The following NLGN1 variants were observed in gnomAD, a reference collection of about 807,000 sequenced individuals.
NLGN1 encodes the protein neuroligin-1.
In NLGN1, 12 loss-of-function variants were observed where a neutral mutation model predicts 65.5. The ratio of observed to expected loss-of-function variants is 0.18; its 90% CI spans 0.12 to 0.30. The LOEUF is 0.30. Ranked by LOEUF, NLGN1 falls within the 10% of genes least tolerant of loss-of-function variation. NLGN1 has a pLI of 1.00. For synonymous variants in NLGN1, 350 were observed against 359.5 expected (o/e 0.97, Z 0.30); for missense variants, 750 against 1,007.1 (o/e 0.74, Z 3.46).
intron 4 of NLGN1, among the ~76,000 whole-genome samples, chr3:173,914,536 TAC>T (rs10576275): frequency 9.1e-5 from 13 of 142,106 alleles, no homozygotes; most frequent in East Asian, 2.2e-4. Context: ...CATCTATACA[TAC>T]ACACACACAC....
chr3:173,894,602 A>G (rs1199818776), intron 4 of NLGN1, among the ~76,000 whole-genome samples: 2 of 151,530 alleles, frequency 1.3e-5, no homozygotes, highest in Non-Finnish European at 2.9e-5. Flanking sequence ...AATGTTTAAA[A>G]TAATAAATTT....
chr3:173,713,184 G>A (rs989793733), intron 3 of NLGN1, among the ~76,000 whole-genome samples: 1 of 152,160 alleles, frequency 6.6e-6, no homozygotes, highest in African/African-American at 2.4e-5. Flanking sequence ...TGGCTCTCAC[G>A]GCATCATTGG....
chr3:173,779,589 T>G (rs1290801004), intron 3 of NLGN1, among the ~76,000 whole-genome samples: 2 of 152,138 alleles, frequency 1.3e-5, no homozygotes, highest in African/African-American at 4.8e-5. Context: ...TCTTTGGATA[T>G]TTAAAGTCTG....
intron 4 of NLGN1, among the ~76,000 whole-genome samples, chr3:174,271,371 A>C (rs1391614086): frequency 6.6e-6 from 1 of 151,718 alleles, no homozygotes; most frequent in Non-Finnish European, 1.5e-5. Context: ...ACCTAAGTAT[A>C]AATTGAGTCA....
chr3:174,146,146 TTCCTTC>T (rs1723226498), intron 4 of NLGN1, among the ~76,000 whole-genome samples: 1 of 144,012 alleles, frequency 6.9e-6, no homozygotes, highest in Non-Finnish European at 1.5e-5. Context: ...CCTTCCTTCC[TTCCTTC>T]CTCTCTCCCT....
Position 174,086,920 on chromosome 3 carries a change from T to G in NLGN1, c.647-188395T>G, listed in dbSNP as rs184424089. ...ATCTTTTAGCATCCAAAATGTAATC[T>G]GGAAATGTGGTGTAAAATATTTCCT... On this transcript the variant is annotated intron_variant, in intron 4 of 6. Coordinates refer to ENST00000457714, the Ensembl canonical transcript of NLGN1. 6.8e-3 allele frequency among the ~76,000 whole-genome samples: 1,043 copies of G among 152,274 alleles called. 11 individuals carry two copies. Among genetic ancestry groups the G allele is most frequent in the African/African-American group, 0.024 (1,000 of 41,560 alleles).
intron 3 of NLGN1, among the ~76,000 whole-genome samples, chr3:173,747,842 CT>C (rs1775744034): frequency 1.2e-5 from 1 of 81,120 alleles, no homozygotes; most frequent in East Asian, 4.1e-4. Flanking sequence ...GAGACAGGGT[CT>C]TACTCTGTCA....
intron 2 of NLGN1, among the ~76,000 whole-genome samples, chr3:173,539,896 T>C (rs1029527259): frequency 6.8e-6 from 1 of 146,542 alleles, no homozygotes; most frequent in African/African-American, 2.5e-5. Flanking sequence ...GTTATATATA[T>C]GTTATAAATG....
At chr3:173,627,611 T>C (rs1253365012) in intron 3 of NLGN1, among the ~76,000 whole-genome samples, 2 of 152,122 alleles carry the variant, frequency 1.3e-5, no homozygotes, top group African/African-American at 2.4e-5. Flanking sequence ...TTTTGAGGAA[T>C]CTGCCATAGT....
chr3:173,678,121 A>G (rs1763419715), intron 3 of NLGN1, among the ~76,000 whole-genome samples: 1 of 152,098 alleles, frequency 6.6e-6, no homozygotes, highest in Non-Finnish European at 1.5e-5. Context: ...ATTGAAATAC[A>G]ATGTATCTAG....
intron 4 of NLGN1, among the ~76,000 whole-genome samples, chr3:174,012,752 C>T (rs1725805906): frequency 6.6e-6 from 1 of 152,164 alleles, no homozygotes; most frequent in African/African-American, 2.4e-5. Context: ...CTCTCTTTTA[C>T]TGATCTAGCT....
At chr3:173,671,934 G>T (rs1029677153) in intron 3 of NLGN1, among the ~76,000 whole-genome samples, 21 of 152,158 alleles carry the variant, frequency 1.4e-4, no homozygotes, top group Admixed American at 7.2e-4. Context: ...CAGCACTTTG[G>T]GAGGCCGAGG....
intron 1 of NLGN1, among the ~76,000 whole-genome samples, chr3:173,428,160 T>C (rs988397377): frequency 2.0e-5 from 3 of 151,724 alleles, no homozygotes; most frequent in Non-Finnish European, 2.9e-5. Context: ...GTATGGAATC[T>C]TTTTTTTCTC....
chr3:173,504,057 A>T (rs950495965), intron 2 of NLGN1, among the ~76,000 whole-genome samples: 1 of 152,132 alleles, frequency 6.6e-6, no homozygotes, highest in African/African-American at 2.4e-5. Flanking sequence ...TGTGTCATAA[A>T]CTGCCAATTA....
intron 2 of NLGN1, among the ~76,000 whole-genome samples, chr3:173,563,751 T>C (rs923014068): frequency 1.3e-5 from 2 of 152,142 alleles, no homozygotes; most frequent in African/African-American, 4.8e-5. Flanking sequence ...AAGAATTCCA[T>C]CCTTTCCTCA....
At chr3:174,167,635 T>C (rs1190586914) in intron 4 of NLGN1, among the ~76,000 whole-genome samples, 1 of 151,752 alleles carries the variant, frequency 6.6e-6, no homozygotes, top group African/African-American at 2.4e-5. Context: ...AAGATTTTTT[T>C]TTTTCTTTAG....
intron 1 of NLGN1, among the ~76,000 whole-genome samples, chr3:173,408,503 C>T (rs9868314): frequency 0.29 from 44,301 of 152,052 alleles, 6,755 homozygotes; most frequent in East Asian, 0.56. Flanking sequence ...GCAGCTCATT[C>T]TGGGAGCCAG....
intron 4 of NLGN1, among the ~76,000 whole-genome samples, chr3:174,163,910 T>C (rs1727037627): frequency 6.6e-6 from 1 of 152,106 alleles, no homozygotes; most frequent in Non-Finnish European, 1.5e-5. Context: ...TGCATGTGTC[T>C]TTTTGGTAGA....
intron 2 of NLGN1, among the ~76,000 whole-genome samples, chr3:173,528,028 G>A (rs2149168495): frequency 6.6e-6 from 1 of 152,308 alleles, no homozygotes; most frequent in Admixed American, 6.5e-5. Flanking sequence ...TCTCAATTGT[G>A]TAATTGCTTT....
Sources: allele counts gnomAD v4.1 joint callset (sites outside exome capture counted in the v4.1 genomes callset), GRCh38; gene constraint gnomAD v4.1.1; transcripts MANE v1.5; gene names NCBI Gene and HGNC (gene_info 2026-07-23, HGNC 2026-07-21).